SDCCAG8: variants seen among roughly 807,000 people sequenced by gnomAD.
The protein encoded by SDCCAG8 is SHH signaling and ciliogenesis regulator SDCCAG8, also known as serologically defined colon cancer antigen 8.
A neutral mutation model predicts 101.8 loss-of-function variants in SDCCAG8; 74 were observed. The ratio of observed to expected loss-of-function variants is 0.73; its 90% confidence interval spans 0.60 to 0.88. SDCCAG8 has a LOEUF of 0.88. SDCCAG8 is among the 40% of genes least tolerant of loss of function. SDCCAG8 has a pLI of 0.00. For missense variants in SDCCAG8, 787 were observed against 822.6 expected, an observed-to-expected ratio of 0.96 and a Z score of 0.53; for synonymous variants, 281 against 292.9, an observed-to-expected ratio of 0.96 and a Z score of 0.41.
chr1:243,481,707 C>A (rs1663792226), intron 16 of SDCCAG8, among the ~76,000 whole-genome samples: 1 of 152,184 alleles, frequency 6.6e-6, no homozygotes, highest in East Asian at 1.9e-4. Flanking sequence ...ACAATCTTAG[C>A]TGTAGTCAGA....
At chr1:243,422,862 A>G (rs904064287) in intron 15 of SDCCAG8, among the ~76,000 whole-genome samples, 14 of 152,228 alleles carry the variant, frequency 9.2e-5, no homozygotes, top group African/African-American at 3.1e-4. Flanking sequence ...ATAAAAATAC[A>G]GGGGAAAGTT....
chr1:243,330,732 A>T, intron 10 of SDCCAG8, 40 bp downstream of exon 10: 1 of 1,610,216 alleles, frequency 6.2e-7, no homozygotes, highest in Non-Finnish European at 8.5e-7. Flanking sequence ...TGCAGAAGAA[A>T]GGTTTTTTAT....
At chr1:243,444,452 A>G (rs2082763450) in intron 16 of SDCCAG8, among the ~76,000 whole-genome samples, 1 of 151,640 alleles carries the variant, frequency 6.6e-6, no homozygotes, top group East Asian at 1.9e-4. Context: ...GCTCACTGCA[A>G]CCTTCACCTC....
intron 10 of SDCCAG8, among the ~76,000 whole-genome samples, chr1:243,332,689 TCTGGAGGTGATTTTCGCGGTC>T (rs1234913110): frequency 1.6e-4 from 25 of 151,938 alleles, no homozygotes; most frequent in African/African-American, 5.8e-4. Context: ...GCAGTCCAGG[TCTGGAGGTGATTTTCGCGGTC>T]CAGGTCTGGA....
intron 16 of SDCCAG8, among the ~76,000 whole-genome samples, chr1:243,437,432 T>C (rs10927019): frequency 0.19 from 28,741 of 151,972 alleles, 2,982 homozygotes; most frequent in African/African-American, 0.26. Context: ...GCTCTCTGTG[T>C]ACATCAGACT....
chr1:243,380,333 A>G (rs377401736), intron 13 of SDCCAG8, among the ~76,000 whole-genome samples: 2 of 152,204 alleles, frequency 1.3e-5, no homozygotes, highest in East Asian at 3.8e-4. Flanking sequence ...GGTAATGTTA[A>G]TAGTTTTTCT....
chr1:243,289,438 A>G (rs1298160867), intron 5 of SDCCAG8, among the ~76,000 whole-genome samples: 1 of 152,232 alleles, frequency 6.6e-6, no homozygotes, highest in African/African-American at 2.4e-5. Flanking sequence ...CCCAGGATCA[A>G]TCCTTTGCAT....
At chr1:243,361,943 A>T (rs950440867) in intron 12 of SDCCAG8, among the ~76,000 whole-genome samples, 2 of 152,242 alleles carry the variant, frequency 1.3e-5, no homozygotes, top group African/African-American at 4.8e-5. Flanking sequence ...TTTTGTATTC[A>T]GTGCCCCAGT....
chr1:243,470,935 C>G (rs141491539), intron 16 of SDCCAG8, among the ~76,000 whole-genome samples: 1 of 152,088 alleles, frequency 6.6e-6, no homozygotes, highest in African/African-American at 2.4e-5. Context: ...TAAAAATGAT[C>G]GAGCCCTGAA....
chr1:243,349,671 A>G (rs2075972018), intron 12 of SDCCAG8, among the ~76,000 whole-genome samples: 1 of 152,224 alleles, frequency 6.6e-6, no homozygotes. Flanking sequence ...CAGCGAGTGT[A>G]TCACTGATAA....
chr1:243,382,498 A>C (rs1477570123), intron 13 of SDCCAG8, among the ~76,000 whole-genome samples: 7 of 152,356 alleles, frequency 4.6e-5, no homozygotes, highest in South Asian at 2.1e-4. Context: ...AAATGCTACC[A>C]TTATCCTTCA....
intron 16 of SDCCAG8, among the ~76,000 whole-genome samples, chr1:243,429,374 T>C (rs10927014): frequency 0.12 from 18,842 of 152,092 alleles, 1,249 homozygotes; most frequent in Non-Finnish European, 0.14. Context: ...TGGTCAACAG[T>C]AGGCTGTTGG....
chr1:243,256,308 G>A, intron 1 of SDCCAG8, 68 bp downstream of exon 1: 2 of 1,365,180 alleles, frequency 1.5e-6, no homozygotes, highest in Non-Finnish European at 2.1e-6. Flanking sequence ...GAGCAGACCA[G>A]GTGCGTTTCC....
intron 6 of SDCCAG8, among the ~76,000 whole-genome samples, chr1:243,295,949 A>G (rs866589829): frequency 4.6e-5 from 7 of 151,942 alleles, no homozygotes; most frequent in Non-Finnish European, 7.4e-5. Flanking sequence ...TCATTCTGGG[A>G]CTTTTCTTTC....
At chr1:243,449,145 C>G (rs2083163546) in intron 16 of SDCCAG8, among the ~76,000 whole-genome samples, 2 of 152,166 alleles carry the variant, frequency 1.3e-5, no homozygotes, top group African/African-American at 4.8e-5. Context: ...CTCATTATAA[C>G]TGGAGTGGCT....
chr1:243,282,332 A>G (rs1194234030), intron 4 of SDCCAG8, among the ~76,000 whole-genome samples: 1 of 152,198 alleles, frequency 6.6e-6, no homozygotes, highest in East Asian at 1.9e-4. Flanking sequence ...ATTGCTTATA[A>G]CAGAATTCCC....
In SDCCAG8 at chr1:243,416,590, G is replaced by A. The variant is rs933182208; in HGVS notation, c.1744+761G>A. 6.6e-6 allele frequency among the ~76,000 whole-genome samples: 1 copy of A among 152,110 alleles called. No homozygotes were observed. The highest frequency in any genetic ancestry group is 1.5e-5 in the Non-Finnish European group (1 of 68,020). ...AAAAATTGCCATCTTTCATCACATTGGCACTATTCTGCAGACTGAGTTGGC... is the reference window on the plus strand; with the variant it reads ...AAAAATTGCCATCTTTCATCACATTAGCACTATTCTGCAGACTGAGTTGGC... On this transcript the variant is annotated intron_variant, in intron 14 of 17. Transcript: ENST00000366541. The surrounding 1 kb of genome is among the most constrained non-coding windows in gnomAD (Gnocchi z 4.3).
chr1:243,434,354 A>G (rs1196515837), intron 16 of SDCCAG8, among the ~76,000 whole-genome samples: 1 of 152,240 alleles, frequency 6.6e-6, no homozygotes, highest in Non-Finnish European at 1.5e-5. Flanking sequence ...GTTTGTTTTT[A>G]AGTAACTGAT....
At chr1:243,482,967 G>A (rs1664047197) in intron 16 of SDCCAG8, among the ~76,000 whole-genome samples, 1 of 152,204 alleles carries the variant, frequency 6.6e-6, no homozygotes, top group African/African-American at 2.4e-5. Flanking sequence ...AGCGGGGGCT[G>A]CTGCCTAAAC....
Sources: allele counts gnomAD v4.1 joint callset (sites outside exome capture counted in the v4.1 genomes callset), GRCh38; gene constraint gnomAD v4.1.1; non-coding constraint Gnocchi (gnomAD v3.1); transcripts MANE v1.5; gene names NCBI Gene and HGNC (gene_info 2026-07-23, HGNC 2026-07-21).